The following PTPRD variants were observed in gnomAD, a reference collection of about 807,000 sequenced individuals.
The protein encoded by PTPRD is receptor-type tyrosine-protein phosphatase delta.
In PTPRD, 34 loss-of-function variants were observed where a neutral mutation model predicts 214.5. That is an observed-to-expected ratio of 0.16 (90% CI 0.12 to 0.21). The LOEUF (loss-of-function observed/expected upper bound fraction) is 0.21, where lower values mean the gene tolerates loss of function less well. Ranked by LOEUF, PTPRD falls within the 10% of genes least tolerant of loss-of-function variation. PTPRD has a pLI of 1.00. For missense variants in PTPRD, 2,545 were observed against 2,398.7 expected, an observed-to-expected ratio of 1.06 and a Z score of -1.27; for synonymous variants, 1,128 against 845.7, an observed-to-expected ratio of 1.33 and a Z score of -5.79.
intron 2 of PTPRD, among the ~76,000 whole-genome samples, chr9:10,386,948 A>G (rs901322133): frequency 6.6e-6 from 1 of 151,850 alleles, no homozygotes; most frequent in Non-Finnish European, 1.5e-5. Context: ...GGGAGGCAGG[A>G]GAGTCAGTGT....
chr9:9,339,378 C>T (rs1487479411), intron 9 of PTPRD, among the ~76,000 whole-genome samples: 2 of 151,380 alleles, frequency 1.3e-5, no homozygotes, highest in Non-Finnish European at 1.5e-5. Context: ...CCCAGCTACT[C>T]GGGAGGCTGA....
chr9:8,594,533 G>A lies in PTPRD; in HGVS notation c.352+38784C>T, dbSNP rs531039387. Reference sequence around the variant, plus strand: ...CCCCATCCAAATCTCATCTTGAATTGTAATCCCCACATGTCGAGGGAGGGA... The same window carrying A: ...CCCCATCCAAATCTCATCTTGAATTATAATCCCCACATGTCGAGGGAGGGA... On this transcript the variant is annotated intron_variant, in intron 14 of 45. Transcript: ENST00000381196. Among the ~76,000 whole-genome samples the A allele has an allele frequency of 5.6e-4, 86 of 152,214 alleles. 1 individual carries two copies. Among genetic ancestry groups the A allele is most frequent in the African/African-American group, 2.0e-3 (84 of 41,538 alleles).
chr9:10,018,548 T>C lies in PTPRD; in HGVS notation c.-472+15170A>G, dbSNP rs1433546650. 3.3e-4 allele frequency among the ~76,000 whole-genome samples: 33 copies of C among 101,366 alleles called. 2 individuals carry two copies. The highest frequency in any genetic ancestry group is 6.0e-4 in the African/African-American group (19 of 31,888). The allele number at this position is 101,366 out of a possible 152,430, so 66.5% of individuals were successfully genotyped here. On this transcript the variant is annotated intron_variant, in intron 4 of 45. Transcript: ENST00000381196. Reference sequence around the variant, plus strand: ...TTAAGAATTACATTTCTTTTTTTTTTTTTTTTTTTTTTTTTTTGAGACGGA... The same window carrying C: ...TTAAGAATTACATTTCTTTTTTTTTCTTTTTTTTTTTTTTTTTGAGACGGA...
chr9:10,339,749 C>G (rs539097938), intron 3 of PTPRD, among the ~76,000 whole-genome samples: 1 of 151,770 alleles, frequency 6.6e-6, no homozygotes, highest in East Asian at 2.0e-4. Context: ...ACCTTGGTCT[C>G]ATTATTTTTT....
chr9:9,308,249 A>G (rs1438453236), intron 9 of PTPRD, among the ~76,000 whole-genome samples: 1 of 152,184 alleles, frequency 6.6e-6, no homozygotes, highest in African/African-American at 2.4e-5. Flanking sequence ...CACAGAACTC[A>G]TATTCATTTT....
rs2135660818 is a variant in PTPRD, at chr9:8,389,354, G to T, written c.4264C>A (p.Gln1422Lys). 1 of 1,612,804 alleles carries T rather than the reference G, an allele frequency of 6.2e-7. No individual in the cohort carries two copies. The highest frequency in any genetic ancestry group is 8.5e-7 in the Non-Finnish European group (1 of 1,179,264). Reference sequence around the variant, plus strand: ...CCCTGTGTTGCAATATAGGCATTTTGCTTCCTATACCCATCTATGTAGTTG... The same window carrying T: ...CCCTGTGTTGCAATATAGGCATTTTTCTTCCTATACCCATCTATGTAGTTG... ...NANYIDGYRK[Q>K]NAYIATQGSL... is the part of the protein sequence containing the mutation. The change falls in exon 37 of 46, where the codon CAA becomes AAA. Residue 1422 changes from glutamine (Q) to lysine (K), a missense_variant. Gln to Lys is a moderately conservative substitution (Grantham distance 53). Coordinates refer to ENST00000381196, the MANE Select transcript of PTPRD (RefSeq NM_002839.4).
chr9:8,328,671 A>G (rs1047404673), intron 44 of PTPRD, among the ~76,000 whole-genome samples: 13 of 151,656 alleles, frequency 8.6e-5, no homozygotes, highest in African/African-American at 1.2e-4. Context: ...TAAACCAATC[A>G]AAGTAAATTT....
intron 2 of PTPRD, among the ~76,000 whole-genome samples, chr9:10,501,944 T>C (rs1468105425): frequency 6.6e-6 from 1 of 151,924 alleles, no homozygotes; most frequent in Non-Finnish European, 1.5e-5. Flanking sequence ...ACCTGGTCCA[T>C]TATAGAGTTT....
intron 11 of PTPRD, among the ~76,000 whole-genome samples, chr9:8,960,953 G>A (rs1332090348): frequency 6.6e-6 from 1 of 151,796 alleles, no homozygotes; most frequent in Non-Finnish European, 1.5e-5. Flanking sequence ...CTTGTTCCTG[G>A]GATTGCAATA....
At chr9:9,339,447 C>A (rs1169321713) in intron 9 of PTPRD, among the ~76,000 whole-genome samples, 1 of 152,140 alleles carries the variant, frequency 6.6e-6, no homozygotes, top group African/African-American at 2.4e-5. Context: ...GATCTCGCCA[C>A]TGCACTCCAG....
chr9:9,755,236 C>T (rs1018046975), intron 6 of PTPRD, among the ~76,000 whole-genome samples: 1 of 151,942 alleles, frequency 6.6e-6, no homozygotes, highest in Non-Finnish European at 1.5e-5. Context: ...TTGAACTTCC[C>T]AGTGTACCAA....
At chr9:8,500,480 C>T (rs899618355) in intron 24 of PTPRD, among the ~76,000 whole-genome samples, 6 of 137,916 alleles carry the variant, frequency 4.4e-5, no homozygotes, top group African/African-American at 5.4e-5. Context: ...GGCACAGAGA[C>T]GGGCTGGACT....
intron 14 of PTPRD, among the ~76,000 whole-genome samples, chr9:8,578,094 C>A (rs1250335069): frequency 6.6e-6 from 1 of 152,106 alleles, no homozygotes; most frequent in African/African-American, 2.4e-5. Flanking sequence ...TATACAGATA[C>A]AGATTCTTAG....
At chr9:9,552,825 A>T (rs1032167905) in intron 8 of PTPRD, among the ~76,000 whole-genome samples, 1 of 152,112 alleles carries the variant, frequency 6.6e-6, no homozygotes, top group African/African-American at 2.4e-5. Context: ...ATACAATTGA[A>T]AAGTCATTTG....
At chr9:10,583,636 G>A (rs1166409820) in intron 2 of PTPRD, among the ~76,000 whole-genome samples, 2 of 151,804 alleles carry the variant, frequency 1.3e-5, no homozygotes, top group African/African-American at 4.8e-5. Flanking sequence ...CCGCCACCAC[G>A]CCCGGCTAAT....
intron 7 of PTPRD, among the ~76,000 whole-genome samples, chr9:9,625,817 G>C (rs1449264927): frequency 6.6e-6 from 1 of 152,114 alleles, no homozygotes. Context: ...AAAGAATGGA[G>C]GCAATTATAA....
In PTPRD at chr9:9,922,394, A is replaced by C. The variant is rs527666410; in HGVS notation, c.-368+16113T>G. Reference sequence around the variant, plus strand: ...AGTTCACATAATCAAGGGACCTGTAACCTTCTTTCCCTTTTTGGTTTCTAG... The same window carrying C: ...AGTTCACATAATCAAGGGACCTGTACCCTTCTTTCCCTTTTTGGTTTCTAG... On this transcript the variant is annotated intron_variant, in intron 5 of 45. Coordinates refer to ENST00000381196, the MANE Select transcript of PTPRD (RefSeq NM_002839.4). Among the ~76,000 whole-genome samples the C allele has an allele frequency of 2.0e-5, 3 of 152,154 alleles. No individual in the cohort carries two copies. The East Asian group carries it at 5.8e-4, about 29-fold the overall frequency.
At chr9:10,535,832 T>C (rs2057651728) in intron 2 of PTPRD, among the ~76,000 whole-genome samples, 1 of 152,120 alleles carries the variant, frequency 6.6e-6, no homozygotes, top group Admixed American at 6.6e-5. Context: ...TCCAGGCATA[T>C]GGAATAATAT....
At chr9:9,293,068 C>T (rs769391355) in intron 9 of PTPRD, among the ~76,000 whole-genome samples, 12 of 151,482 alleles carry the variant, frequency 7.9e-5, no homozygotes, top group Non-Finnish European at 1.5e-4. Flanking sequence ...CTCACGTACA[C>T]GTTGGAAAGA....
Sources: gnomAD v4.1 joint callset for allele counts (sites outside exome capture counted in the v4.1 genomes callset) on GRCh38, gnomAD v4.1.1 for gene constraint, MANE v1.5 for transcripts, NCBI Gene and HGNC (gene_info 2026-07-23, HGNC 2026-07-21) for gene names.